SPHKAP: variants seen among roughly 807,000 people sequenced by gnomAD.
The protein encoded by SPHKAP is SPHK1 interactor, AKAP domain containing, also known as A-kinase anchor protein SPHKAP.
SPHKAP carries 67 observed loss-of-function variants against 137.5 expected under a neutral mutation model. That is an observed-to-expected ratio of 0.49 (90% CI 0.40 to 0.60). The LOEUF (loss-of-function observed/expected upper bound fraction) is 0.60, where lower values mean the gene tolerates loss of function less well. Ranked by LOEUF, SPHKAP falls within the 20% of genes least tolerant of loss-of-function variation. The pLI is 0.00. For missense variants in SPHKAP, 2,097 were observed against 2,069.3 expected (o/e 1.01, Z -0.26); for synonymous variants, 813 against 785.3 (o/e 1.04, Z -0.59).
chr2:228,047,792 A>G (rs189243088), intron 3 of SPHKAP, among the ~76,000 whole-genome samples: 2 of 152,332 alleles, frequency 1.3e-5, no homozygotes, highest in East Asian at 3.9e-4. Flanking sequence ...AGACAGCTGT[A>G]AATGAAGACA....
chr2:228,052,200 A>G (rs540720162), intron 3 of SPHKAP, among the ~76,000 whole-genome samples: 11 of 152,228 alleles, frequency 7.2e-5, no homozygotes, highest in Non-Finnish European at 1.3e-4. Flanking sequence ...GAAAAAAAAA[A>G]GAGGAAATAA....
chr2:228,177,259 C>T (rs1460380533), intron 1 of SPHKAP, among the ~76,000 whole-genome samples: 1 of 151,690 alleles, frequency 6.6e-6, no homozygotes, highest in African/African-American at 2.4e-5. Flanking sequence ...CTATCCACAA[C>T]CCAGCAACAA....
At chr2:228,102,622 T>C (rs1163723463) in intron 3 of SPHKAP, among the ~76,000 whole-genome samples, 3 of 152,208 alleles carry the variant, frequency 2.0e-5, no homozygotes, top group African/African-American at 7.2e-5. Context: ...ATGGAGTAAG[T>C]CTAAAGCCTG....
chr2:228,027,410 CATT>C (rs1460739897), intron 4 of SPHKAP, 71 bp downstream of exon 4: 1 of 1,450,434 alleles, frequency 6.9e-7, no homozygotes, highest in African/African-American at 1.4e-5. Flanking sequence ...ACAAAATGAG[CATT>C]ATTTACAGAT....
intron 1 of SPHKAP, among the ~76,000 whole-genome samples, chr2:228,134,200 G>A (rs1699360198): frequency 7.0e-6 from 1 of 142,894 alleles, no homozygotes. Context: ...GAAGGAGGGA[G>A]GGAGCGAGGA....
At chr2:227,992,212 C>A (rs1048825882) in intron 9 of SPHKAP, among the ~76,000 whole-genome samples, 1 of 152,238 alleles carries the variant, frequency 6.6e-6, no homozygotes, top group Admixed American at 6.5e-5. Flanking sequence ...AGATGATTCT[C>A]TCATTCTGCT....
chr2:228,017,376 G>C lies in SPHKAP; in HGVS notation c.3478C>G (p.Leu1160Val). 1 of 1,613,988 alleles carries C rather than the reference G, an allele frequency of 6.2e-7. No individual in the cohort carries two copies. The highest frequency in any genetic ancestry group is 8.5e-7 in the Non-Finnish European group (1 of 1,179,966). ...YYAGKNASSI[L>V]NSAMQQACRK... The stretch of plus-strand genomic sequence containing the variant: ...CACGCCTGTTGCATGGCTGAGTTCA[G>C]AATGCTGCTGGCGTTCTTGCCAGCA... The change falls in exon 7 of 12, where the codon CTG becomes GTG. Residue 1160 changes from leucine to valine, a missense_variant. By Grantham distance (32) the Leu-to-Val change is conservative (BLOSUM62 1). Coordinates refer to ENST00000392056, the MANE Select transcript of SPHKAP (RefSeq NM_001142644.2).
intron 1 of SPHKAP, chr2:228,132,593 G>GAGAATTTGAGGAGCTAT: frequency 1.6e-6 from 1 of 631,908 alleles, no homozygotes; most frequent in Non-Finnish European, 2.0e-6. Context: ...GCTGGAGATA[G>GAGAATTTGAGGAGCTAT]CTCCTCAAAT....
chr2:228,014,107 T>C (rs898076931), intron 7 of SPHKAP, among the ~76,000 whole-genome samples: 2 of 152,210 alleles, frequency 1.3e-5, no homozygotes, highest in South Asian at 2.1e-4. Context: ...CATAATTGTA[T>C]TATGAATTTT....
At position 228,018,534 on chromosome 2, in the gene SPHKAP, G is replaced by A. The variant is rs745964424; in HGVS notation, c.2320C>T (p.Leu774Phe). Residue 774 changes from leucine (L) to phenylalanine (F), a missense_variant, in exon 7 of 12, where the codon CTT becomes TTT. Transcript: ENST00000392056. ...KATESSSSSP[L>F]SNSHNTSLVI... ...AGACTCGTGTTGTGTGAATTGCTAA[G>A]TGGAGAGCTGCTGGAGGATTCAGTG... The A allele has an allele frequency of 6.2e-7, 1 of 1,614,114 alleles. No individual in the cohort carries two copies. The highest frequency in any genetic ancestry group is 1.1e-5 in the South Asian group (1 of 91,068).
intron 3 of SPHKAP, among the ~76,000 whole-genome samples, chr2:228,049,384 C>T (rs1212804605): frequency 6.6e-6 from 1 of 152,146 alleles, no homozygotes; most frequent in Non-Finnish European, 1.5e-5. Flanking sequence ...AAGTGTGATT[C>T]CCTTCCCAAA....
intron 1 of SPHKAP, among the ~76,000 whole-genome samples, chr2:228,143,955 C>T (rs1053978041): frequency 6.6e-5 from 10 of 152,126 alleles, no homozygotes; most frequent in East Asian, 1.9e-4. Flanking sequence ...CTGCCTCTAT[C>T]GAATCACTCT....
In SPHKAP at chr2:228,019,371, C is replaced by A; in HGVS notation, c.1483G>T (p.Ala495Ser). The A allele has an allele frequency of 6.2e-7, 1 of 1,614,150 alleles. No homozygotes were observed. The change falls in exon 7 of 12, where the codon GCT becomes TCT. Residue 495 changes from alanine to serine, a missense_variant. By Grantham distance (99) the Ala-to-Ser change is moderately conservative. Transcript: ENST00000392056. ...GENSSRQPQSALEVALACAAT... is the reference protein window; with the variant it reads ...GENSSRQPQSSLEVALACAAT... ...GCACAAGCTAACGCCACTTCTAGAG[C>A]ACTCTGGGGTTGTCTGCTGGAGTTC...
intron 1 of SPHKAP, among the ~76,000 whole-genome samples, chr2:228,151,177 T>C (rs899201441): frequency 6.0e-5 from 9 of 150,450 alleles, no homozygotes; most frequent in Non-Finnish European, 1.0e-4. Context: ...AGTGAGAACA[T>C]GCGGTGTTTG....
intron 6 of SPHKAP, among the ~76,000 whole-genome samples, chr2:228,020,751 A>C (rs1311393774): frequency 6.6e-6 from 1 of 152,172 alleles, no homozygotes; most frequent in Non-Finnish European, 1.5e-5. Flanking sequence ...TAAAGCATTG[A>C]CTTTTTTTCC....
chr2:227,984,894 C>T (rs973450331), intron 11 of SPHKAP, among the ~76,000 whole-genome samples: 1 of 152,182 alleles, frequency 6.6e-6, no homozygotes, highest in Non-Finnish European at 1.5e-5. Context: ...GGAAACATGA[C>T]ATTTGCCTTG....
At chr2:228,124,126 A>C (rs182601746) in intron 2 of SPHKAP, among the ~76,000 whole-genome samples, 35 of 152,250 alleles carry the variant, frequency 2.3e-4, no homozygotes, top group Non-Finnish European at 4.3e-4. Flanking sequence ...ACACTTTTAC[A>C]CTGTTGATGG....
intron 1 of SPHKAP, among the ~76,000 whole-genome samples, chr2:228,137,197 T>G (rs982401467): frequency 6.6e-6 from 1 of 152,210 alleles, no homozygotes; most frequent in Admixed American, 6.5e-5. Flanking sequence ...TTGTAATATT[T>G]GTCTCTTTCC....
intron 7 of SPHKAP, among the ~76,000 whole-genome samples, chr2:228,002,983 G>A (rs1693968634): frequency 6.6e-6 from 1 of 152,178 alleles, no homozygotes; most frequent in South Asian, 2.1e-4. Flanking sequence ...TTGTAGTATA[G>A]TTTGAAGTCA....
Sources: allele counts gnomAD v4.1 joint callset (sites outside exome capture counted in the v4.1 genomes callset), GRCh38; gene constraint gnomAD v4.1.1; transcripts MANE v1.5; gene names NCBI Gene and HGNC (gene_info 2026-07-23, HGNC 2026-07-21).